Variants in XRCC4 observed in about 807,000 individuals in gnomAD.
XRCC4 encodes the protein X-ray repair cross complementing 4.
A neutral mutation model predicts 39.1 loss-of-function variants in XRCC4; 28 were observed. That is an observed-to-expected ratio of 0.72 (90% CI 0.53 to 0.98). XRCC4 has a LOEUF of 0.98. Ranked by LOEUF, XRCC4 falls within the 50% of genes least tolerant of loss-of-function variation. The pLI, the probability that XRCC4 is intolerant of heterozygous loss-of-function variation, is 0.00. For synonymous variants in XRCC4, 123 were observed against 126.4 expected (o/e 0.97, Z 0.18); for missense variants, 350 against 376.4 (o/e 0.93, Z 0.58).
chr5:83,355,982 C>T (rs565209470), downstream of XRCC4, among the ~76,000 whole-genome samples: 3 of 152,180 alleles, frequency 2.0e-5, no homozygotes, highest in East Asian at 5.8e-4. Flanking sequence ...TACACACATA[C>T]ACTATTAATC....
chr5:83,220,821 C>A (rs1752054954), intron 6 of XRCC4, among the ~76,000 whole-genome samples: 1 of 152,032 alleles, frequency 6.6e-6, no homozygotes, highest in African/African-American at 2.4e-5. Flanking sequence ...GCTTTTCGAG[C>A]TATATTATCT....
At chr5:83,157,839 T>C (rs1749033008) in intron 3 of XRCC4, among the ~76,000 whole-genome samples, 1 of 151,962 alleles carries the variant, frequency 6.6e-6, no homozygotes, top group African/African-American at 2.4e-5. Flanking sequence ...AAGAGGAAAA[T>C]GATAGAGAAG....
At chr5:83,253,249 A>G (rs1359272307) in intron 6 of XRCC4, among the ~76,000 whole-genome samples, 1 of 152,168 alleles carries the variant, frequency 6.6e-6, no homozygotes, top group African/African-American at 2.4e-5. Context: ...GTGGTTACAA[A>G]GGCAGGTGAA....
intron 3 of XRCC4, among the ~76,000 whole-genome samples, chr5:83,123,425 G>A (rs1158289622): frequency 6.6e-6 from 1 of 151,554 alleles, no homozygotes; most frequent in Non-Finnish European, 1.5e-5. Flanking sequence ...TTCTCTTTAT[G>A]TAAATTAGAT....
chr5:83,139,511 A>G (rs182082529), intron 3 of XRCC4, among the ~76,000 whole-genome samples: 46 of 152,310 alleles, frequency 3.0e-4, no homozygotes, highest in Admixed American at 9.8e-4. Flanking sequence ...TTGTTTCATT[A>G]TACTTTTACC....
intron 3 of XRCC4, among the ~76,000 whole-genome samples, chr5:83,127,250 T>C (rs1180250858): frequency 6.6e-6 from 1 of 152,124 alleles, no homozygotes; most frequent in African/African-American, 2.4e-5. Flanking sequence ...TGTGGAAAAC[T>C]TAACCCCTGA....
chr5:83,238,360 T>G (rs1188593494), intron 6 of XRCC4, among the ~76,000 whole-genome samples: 3 of 152,198 alleles, frequency 2.0e-5, no homozygotes, highest in Non-Finnish European at 4.4e-5. Context: ...CTTTTGATTT[T>G]GGGAAAAGAT....
intron 6 of XRCC4, among the ~76,000 whole-genome samples, chr5:83,252,598 A>G (rs1176129525): frequency 1.3e-5 from 2 of 152,110 alleles, no homozygotes; most frequent in Non-Finnish European, 2.9e-5. Flanking sequence ...TTATTTAAAA[A>G]TATTTGTAAA....
chr5:83,157,258 T>G (rs1749007044), intron 3 of XRCC4, among the ~76,000 whole-genome samples: 1 of 152,146 alleles, frequency 6.6e-6, no homozygotes, highest in Non-Finnish European at 1.5e-5. Flanking sequence ...GGAAGGTCTC[T>G]GTGTGATCAC....
intron 1 of XRCC4, among the ~76,000 whole-genome samples, chr5:83,083,150 C>T (rs1292152020): frequency 6.6e-6 from 1 of 152,090 alleles, no homozygotes; most frequent in East Asian, 1.9e-4. Flanking sequence ...GTTTTATCTC[C>T]TCTTTTTACT....
chr5:83,350,107 G>A (rs1757036409), intron 7 of XRCC4, among the ~76,000 whole-genome samples: 2 of 152,074 alleles, frequency 1.3e-5, no homozygotes, highest in Non-Finnish European at 2.9e-5. Flanking sequence ...TCTTTTTGGT[G>A]GCTGTGTAGT....
At position 83,236,264 on chromosome 5, in the gene XRCC4, C is replaced by T. The variant is rs1007549844; in HGVS notation, c.746-22266C>T. Among the ~76,000 whole-genome samples, 13 of 151,996 alleles carry T rather than the reference C, an allele frequency of 8.6e-5. 1 individual carries two copies. The East Asian group carries it at 2.3e-3, about 27-fold the overall frequency. On this transcript the variant is annotated intron_variant, in intron 6 of 7. Transcript: ENST00000396027. ...AAAAGACTATCATAGCCAAAGGAAT[C>T]CTGAGCAAAAAGAACAAAATTGAAG...
chr5:83,263,764 G>C (rs1753850762), intron 7 of XRCC4, among the ~76,000 whole-genome samples: 3 of 148,530 alleles, frequency 2.0e-5, no homozygotes, highest in South Asian at 2.2e-4. Flanking sequence ...CAGATGAGTA[G>C]GTTGCGAAAA....
intron 3 of XRCC4, among the ~76,000 whole-genome samples, chr5:83,136,492 TG>T: frequency 1.3e-5 from 2 of 152,352 alleles, no homozygotes; most frequent in Middle Eastern, 6.8e-3. Flanking sequence ...TTTTGGAATT[TG>T]GGTTTTCTTT....
intron 1 of XRCC4, among the ~76,000 whole-genome samples, chr5:83,087,372 G>C (rs2112300809): frequency 6.6e-6 from 1 of 151,940 alleles, no homozygotes; most frequent in East Asian, 1.9e-4. Context: ...TATAAAATTT[G>C]TCCTGGTTGG....
intron 7 of XRCC4, among the ~76,000 whole-genome samples, chr5:83,336,341 C>A (rs965213106): frequency 2.6e-5 from 4 of 152,086 alleles, no homozygotes; most frequent in African/African-American, 9.7e-5. Flanking sequence ...TTATGTATGA[C>A]AACTTTCCTA....
chr5:83,177,570 T>C (rs1750018081), intron 3 of XRCC4, among the ~76,000 whole-genome samples: 1 of 152,138 alleles, frequency 6.6e-6, no homozygotes, highest in Admixed American at 6.5e-5. Flanking sequence ...GCATGTAGCT[T>C]TTCTTTATAT....
chr5:83,127,133 T>C lies in XRCC4; in HGVS notation c.315+15930T>C, dbSNP rs372528626. The stretch of plus-strand genomic sequence containing the variant: ...TTGCTGCTGAAATGAGTTAAGACTT[T>C]TGGGGCTACTGGGATGGAATGGATG... On this transcript the variant is annotated intron_variant, in intron 3 of 7. Coordinates refer to ENST00000396027, the MANE Select transcript of XRCC4 (RefSeq NM_003401.5). Among the ~76,000 whole-genome samples, 31 of 152,236 alleles carry C rather than the reference T, an allele frequency of 2.0e-4. 1 individual carries two copies. The South Asian group carries it at 6.2e-3, about 31-fold the overall frequency.
At chr5:83,305,964 C>G (rs1330119042) in intron 7 of XRCC4, among the ~76,000 whole-genome samples, 1 of 152,178 alleles carries the variant, frequency 6.6e-6, no homozygotes, top group Non-Finnish European at 1.5e-5. Flanking sequence ...AAAGATGTTA[C>G]ATTTTGATCT....
Sources: allele counts gnomAD v4.1 joint callset (sites outside exome capture counted in the v4.1 genomes callset), GRCh38; gene constraint gnomAD v4.1.1; transcripts MANE v1.5; gene names NCBI Gene and HGNC (gene_info 2026-07-23, HGNC 2026-07-21).